The following KCTD1 variants were observed in gnomAD, a reference collection of about 807,000 sequenced individuals.
KCTD1 encodes potassium channel tetramerization domain containing 1, also known as BTB/POZ domain-containing protein KCTD1.
A neutral mutation model predicts 66.0 loss-of-function variants in KCTD1; 24 were observed. The ratio of observed to expected loss-of-function variants is 0.36; its 90% CI spans 0.26 to 0.51. The LOEUF (loss-of-function observed/expected upper bound fraction) is 0.51. KCTD1 is among the 20% of genes least tolerant of loss of function. The pLI is 0.95. For synonymous variants in KCTD1, 511 were observed against 517.2 expected, an observed-to-expected ratio of 0.99 and a Z score of 0.16; for missense variants, 943 against 1,205.2, an observed-to-expected ratio of 0.78 and a Z score of 3.22.
chr18:26,579,015 G>A (rs570681668), intron 1 of KCTD1, among the ~76,000 whole-genome samples: 1 of 152,120 alleles, frequency 6.6e-6, no homozygotes, highest in East Asian at 1.9e-4. Flanking sequence ...ATCCCATATA[G>A]TTCCTACAGG....
intron 1 of KCTD1, among the ~76,000 whole-genome samples, chr18:26,561,885 C>A (rs892287940): frequency 6.6e-6 from 1 of 152,302 alleles, no homozygotes; most frequent in African/African-American, 2.4e-5. Context: ...TGAGCACCTG[C>A]TGAGGGCCTG....
chr18:26,498,173 C>T lies in KCTD1; in HGVS notation c.1988+2899G>A, dbSNP rs566141325. On this transcript the variant is annotated intron_variant, in intron 2 of 4. Coordinates refer to ENST00000580059, the MANE Select transcript of KCTD1 (RefSeq NM_001142730.3). Reference sequence around the variant, plus strand: ...ACCTTTCCATAGCCAAAGAACTGTTCGCCATTTGCCAGCATCCAATCCGAG... The same window carrying T: ...ACCTTTCCATAGCCAAAGAACTGTTTGCCATTTGCCAGCATCCAATCCGAG... Among the ~76,000 whole-genome samples the T allele has an allele frequency of 2.6e-5, 4 of 152,052 alleles. No individual in the cohort carries two copies. In the East Asian group the frequency reaches 5.8e-4, roughly 22 times the overall value.
intron 1 of KCTD1, among the ~76,000 whole-genome samples, chr18:26,582,788 T>C (rs1986384816): frequency 6.6e-6 from 1 of 151,026 alleles, no homozygotes; most frequent in Non-Finnish European, 1.5e-5. Context: ...TGAGCATGTA[T>C]AGAATAACAC....
At chr18:26,577,006 G>A (rs1018568247) in intron 1 of KCTD1, among the ~76,000 whole-genome samples, 8 of 152,138 alleles carry the variant, frequency 5.3e-5, no homozygotes, top group South Asian at 2.1e-4. Context: ...ACTATAAATC[G>A]TTTCTTGATT....
chr18:26,506,503 C>A (rs913303029), intron 1 of KCTD1, among the ~76,000 whole-genome samples: 1 of 152,148 alleles, frequency 6.6e-6, no homozygotes, highest in Admixed American at 6.5e-5. Flanking sequence ...TGGGAGAGCA[C>A]ATGGTACCTT....
At chr18:26,552,203 T>C (rs11663011), upstream of KCTD1, among the ~76,000 whole-genome samples, 64,165 of 152,084 alleles carry the variant, frequency 0.42, 14,092 homozygotes, top group Non-Finnish European at 0.5. Context: ...TGTTTCCCCC[T>C]CGATTCATAA....
chr18:26,515,690 A>G (rs1421145986), intron 1 of KCTD1, among the ~76,000 whole-genome samples: 1 of 151,874 alleles, frequency 6.6e-6, no homozygotes, highest in Non-Finnish European at 1.5e-5. Context: ...TTGTATTTTT[A>G]GTAGAGATGG....
chr18:26,609,102 TCTCTGGATTTATAGGATAAAA>T (rs983910153), intron 1 of KCTD1, among the ~76,000 whole-genome samples: 23 of 150,256 alleles, frequency 1.5e-4, no homozygotes, highest in South Asian at 2.1e-4. Context: ...ATAGGATAAA[TCTCTGGATTTATAGGATAAAA>T]CTCTCTGGAT....
At chr18:26,590,063 G>A (rs1165169094) in intron 1 of KCTD1, among the ~76,000 whole-genome samples, 1 of 152,078 alleles carries the variant, frequency 6.6e-6, no homozygotes, top group Non-Finnish European at 1.5e-5. Flanking sequence ...TACTTCATAA[G>A]TGAATGCGTT....
At chr18:26,573,652 G>A (rs1015217280) in intron 1 of KCTD1, among the ~76,000 whole-genome samples, 2 of 152,134 alleles carry the variant, frequency 1.3e-5, no homozygotes, top group Non-Finnish European at 2.9e-5. Context: ...TGCTGTGCAC[G>A]GAATTTGCCA....
chr18:26,616,141 C>CTTTT (rs11354165), intron 1 of KCTD1, among the ~76,000 whole-genome samples: 1 of 138,122 alleles, frequency 7.2e-6, no homozygotes, highest in African/African-American at 2.7e-5. Context: ...TTAAGTGTTT[C>CTTTT]TTTTTTTTTT....
intron 2 of KCTD1, among the ~76,000 whole-genome samples, chr18:26,497,749 A>G (rs1982551904): frequency 1.3e-5 from 2 of 152,224 alleles, no homozygotes; most frequent in Non-Finnish European, 2.9e-5. Flanking sequence ...CAGCTGAAAC[A>G]GAAGTTACTT....
intron 1 of KCTD1, among the ~76,000 whole-genome samples, chr18:26,618,792 A>T (rs1323944872): frequency 6.6e-6 from 1 of 152,264 alleles, no homozygotes; most frequent in African/African-American, 2.4e-5. Flanking sequence ...GGTTGTTATT[A>T]TCTAGAATTA....
chr18:26,547,295 G>A lies in KCTD1; in HGVS notation c.1242C>T (p.Ser414=), dbSNP rs769164591. ...AFFQRPRDHC[S]EGDVTWYENK... is the part of the protein sequence containing the mutation. ...TCTCGTACCAGGTCACATCGCCCTC[G>A]CTGCAGTGGTCCCGGGGCCGCTGGA... The change falls in exon 1 of 5, where the codon AGC becomes AGT. Residue 414 remains serine, a synonymous_variant. Coordinates refer to ENST00000580059, the MANE Select transcript of KCTD1 (RefSeq NM_001142730.3). 3.9e-6 allele frequency: 6 copies of A among 1,551,648 alleles called. No individual in the cohort carries two copies. Among genetic ancestry groups the A allele is most frequent in the Non-Finnish European group, 4.4e-6 (5 of 1,146,968 alleles).
intron 1 of KCTD1, among the ~76,000 whole-genome samples, chr18:26,652,853 A>C (rs897428081): frequency 3.9e-5 from 6 of 152,212 alleles, no homozygotes; most frequent in Admixed American, 3.9e-4. Context: ...CGTGAAAGAT[A>C]CAAAATCCAC....
chr18:26,513,115 T>A (rs1983428164), intron 1 of KCTD1, among the ~76,000 whole-genome samples: 1 of 147,574 alleles, frequency 6.8e-6, no homozygotes, highest in East Asian at 2.0e-4. Flanking sequence ...TGAGACGTAG[T>A]CTCGCTGTGT....
chr18:26,597,644 A>T (rs1271831783), intron 1 of KCTD1, among the ~76,000 whole-genome samples: 1 of 148,164 alleles, frequency 6.7e-6, no homozygotes, highest in Non-Finnish European at 1.5e-5. Flanking sequence ...CACACCTAGT[A>T]CTGAGGTCTT....
intron 2 of KCTD1, among the ~76,000 whole-genome samples, chr18:26,480,662 G>T (rs766294224): frequency 4.6e-5 from 7 of 152,110 alleles, no homozygotes; most frequent in Non-Finnish European, 1.0e-4. Context: ...CAGCAACTCG[G>T]GAGGTTGAGG....
At chr18:26,483,076 G>T (rs1300369054) in intron 2 of KCTD1, among the ~76,000 whole-genome samples, 1 of 152,194 alleles carries the variant, frequency 6.6e-6, no homozygotes, top group East Asian at 1.9e-4. Flanking sequence ...AAGAGATTCA[G>T]AGGCTACTTA....
Sources: gnomAD v4.1 joint callset for allele counts (sites outside exome capture counted in the v4.1 genomes callset) on GRCh38, gnomAD v4.1.1 for gene constraint, MANE v1.5 for transcripts, NCBI Gene and HGNC (gene_info 2026-07-23, HGNC 2026-07-21) for gene names.